Variants in STAB1 observed in about 807,000 individuals in gnomAD.
STAB1 encodes stabilin 1.
STAB1 carries 250 observed loss-of-function variants against 332.4 expected under a neutral mutation model. The observed-to-expected ratio is 0.75, with a 90% confidence interval of 0.68 to 0.84. The LOEUF is 0.84. Ranked by LOEUF, STAB1 falls within the 40% of genes least tolerant of loss-of-function variation. The probability of loss-of-function intolerance (pLI) is 0.00; values close to 1 mark genes in which losing one functional copy is unlikely to be tolerated. For missense variants in STAB1, 3,249 were observed against 3,489.7 expected (o/e 0.93, Z 1.74); for synonymous variants, 1,475 against 1,390.4 (o/e 1.06, Z -1.35).
In STAB1 at chr3:52,523,260, C is replaced by T. The variant is rs534939076; in HGVS notation, c.7059C>T (p.Leu2353=). The change falls in exon 64 of 69, where the codon CTC becomes CTT. Residue 2353 remains leucine (L), a synonymous_variant. Coordinates refer to ENST00000321725, the MANE Select transcript of STAB1 (RefSeq NM_015136.3). ...LGYANATQRG[L]DFLDFLDDEL... ...ATGCCAATGCCACCCAGCGGGGTCT[C>T]GACTTCCTGGACTTCCTGGATGATG... 22 of 1,613,336 alleles carry T rather than the reference C, an allele frequency of 1.4e-5. No homozygotes were observed. The highest frequency in any genetic ancestry group is 4.5e-5 in the East Asian group (2 of 44,888).
intron 19 of STAB1, 70 bp from the exon 20 acceptor site, chr3:52,507,861 C>T: frequency 7.2e-6 from 11 of 1,525,688 alleles, no homozygotes; most frequent in Non-Finnish European, 9.9e-6. Flanking sequence ...GTCCCTTAAC[C>T]AGGGCTGCCT....
At position 52,510,243 on chromosome 3, in the gene STAB1, C is replaced by T; in HGVS notation, c.2628+8C>T. 6.2e-7 allele frequency: 1 copy of T among 1,614,000 alleles called. No homozygotes were observed. The highest frequency in any genetic ancestry group is 1.3e-5 in the African/African-American group (1 of 75,032). On this transcript the variant is annotated splice_region_variant and intron_variant, in intron 24 of 68. Coordinates refer to ENST00000321725, the MANE Select transcript of STAB1 (RefSeq NM_015136.3). ...GGAGGCTGCTCAGAGAATGTCAGTCCCCTTGCTCCTTCCCTGAAGTTCTGA... is the reference window on the plus strand; with the variant it reads ...GGAGGCTGCTCAGAGAATGTCAGTCTCCTTGCTCCTTCCCTGAAGTTCTGA...
At chr3:52,503,306 G>T in intron 7 of STAB1, 38 bp from the exon 8 acceptor site, 1 of 1,576,404 alleles carries the variant, frequency 6.3e-7, no homozygotes, top group Non-Finnish European at 8.6e-7. Context: ...GGGCTCCTGG[G>T]TGCTTGGCTC....
At chr3:52,521,151 C>G (rs551504165) in intron 55 of STAB1, 146 bp downstream of exon 55, 1 of 1,200,352 alleles carries the variant, frequency 8.3e-7, no homozygotes, top group African/African-American at 1.5e-5. Context: ...CGGGAGTGCT[C>G]GGGAGAGGCA....
At position 52,501,320 on chromosome 3, in the gene STAB1, C is replaced by A. The variant is rs774706691; in HGVS notation, c.215+18C>A. On this transcript the variant is annotated intron_variant, in intron 2 of 68. Coordinates refer to ENST00000321725, the MANE Select transcript of STAB1 (RefSeq NM_015136.3). The stretch of plus-strand genomic sequence containing the variant: ...GACTGCCGGTGCGGGCCACCCCTGT[C>A]CTTGCCTGTGTCCAGGAGCATCCTG... 1.2e-6 allele frequency: 2 copies of A among 1,610,702 alleles called. No homozygotes were observed. The highest frequency in any genetic ancestry group is 1.7e-6 in the Non-Finnish European group (2 of 1,178,228).
rs957277050 is a variant in STAB1, at chr3:52,505,474, G to A, written c.1581+93G>A. The A allele has an allele frequency of 3.6e-6, 5 of 1,395,746 alleles. No individual in the cohort carries two copies. The African/African-American group carries it at 4.3e-5, about 12-fold the overall frequency. The allele number at this position is 1,395,746 out of a possible 1,614,324, so 86.5% of individuals were successfully genotyped here. A position where few individuals can be genotyped will look rare whatever the true frequency, so the allele number is the denominator to read the frequency against. On this transcript the variant is annotated intron_variant, in intron 14 of 68. Transcript: ENST00000321725. ...AGATTCTGCCCCACAGTGACCTGGG[G>A]TTCTGAAGTAGCATGGCCTCTGCCC... is the stretch of plus-strand genomic sequence containing the variant.
rs1316515947 is a variant in STAB1 at position 52,506,849 on chromosome 3, C to T, written c.1988C>T (p.Ala663Val). 4.3e-6 allele frequency: 7 copies of T among 1,612,526 alleles called. No individual in the cohort carries two copies. Among genetic ancestry groups the T allele is most frequent in the Admixed American group, 1.7e-5 (1 of 59,996 alleles). The part of the protein sequence containing the change: ...HCSEEQHKIV[A>V]GSCVDCQALN... ...AGCGAGGAGCAGCACAAGATTGTGG[C>T]GGTGAGCCTCGCCTGCACGGCCAGG... Residue 663 changes from alanine to valine, a missense_variant and splice_region_variant, in exon 18 of 69, where the codon GCG (alanine) becomes GTG (valine). Physicochemically the swap from Ala to Val is moderately conservative, Grantham distance 64. Coordinates refer to ENST00000321725, the MANE Select transcript of STAB1 (RefSeq NM_015136.3).
At position 52,518,593 on chromosome 3, in the gene STAB1, C is replaced by T. The variant is rs1315219046; in HGVS notation, c.4867C>T (p.Leu1623=). Residue 1623 remains leucine, a synonymous_variant, in exon 47 of 69, where the codon CTA becomes TTA. Transcript: ENST00000321725. ...PFTIFVPHAD[L]MSNLSQDELA... Reference sequence around the variant, plus strand: ...CACCATCTTCGTGCCGCACGCAGATCTAATGAGCAACCTGTCGCAGGTATG... The same window carrying T: ...CACCATCTTCGTGCCGCACGCAGATTTAATGAGCAACCTGTCGCAGGTATG... The T allele has an allele frequency of 6.2e-7, 1 of 1,605,002 alleles. No individual in the cohort carries two copies. The highest frequency in any genetic ancestry group is 1.3e-5 in the African/African-American group (1 of 74,932).
At chr3:52,498,070 A>G (rs183944960) in intron 1 of STAB1, among the ~76,000 whole-genome samples, 6 of 152,314 alleles carry the variant, frequency 3.9e-5, no homozygotes, top group African/African-American at 1.4e-4. Flanking sequence ...AGGGGGAAGC[A>G]GTTTGGGGTT....
At position 52,519,356 on chromosome 3, in the gene STAB1, GC is replaced by G. The variant is rs748877370; in HGVS notation, c.5133del (p.Glu1712ArgfsTer33). The G allele has an allele frequency of 1.2e-6, 2 of 1,612,970 alleles. No homozygotes were observed. Among genetic ancestry groups the G allele is most frequent in the Non-Finnish European group, 1.7e-6 (2 of 1,179,998 alleles). ...TGCACTTCATTGACCGTGTCCTGCT[GC>G]CCCCCGAGGCGCTGCACTGGGAGCC... is the stretch of plus-strand genomic sequence containing the variant. ...ILHFIDRVLL[P>X]PEALHWEPDD... On this transcript the variant is annotated frameshift_variant, in exon 49 of 69. Coordinates refer to ENST00000321725, the MANE Select transcript of STAB1 (RefSeq NM_015136.3). LOFTEE classifies it high-confidence loss of function.
chr3:52,505,883 G>C lies in STAB1; in HGVS notation c.1696G>C (p.Gly566Arg). Residue 566 changes from glycine to arginine, a missense_variant and splice_region_variant, in exon 16 of 69, where the codon GGT (glycine) becomes CGT (arginine). Coordinates refer to ENST00000321725, the MANE Select transcript of STAB1 (RefSeq NM_015136.3). ...DGRLIYLFTA[G>R]LSKLQELVRY... is the part of the protein sequence containing the mutation. Reference sequence around the variant, plus strand: ...CCAAACCCTCTCTCTCCCCTGCCAGGGTCTCTCTAAACTGCAGGAGTTGGT... The same window carrying C: ...CCAAACCCTCTCTCTCCCCTGCCAGCGTCTCTCTAAACTGCAGGAGTTGGT... 2 of 1,613,966 alleles carry C rather than the reference G, an allele frequency of 1.2e-6. No homozygotes were observed. Among genetic ancestry groups the C allele is most frequent in the Non-Finnish European group, 1.7e-6 (2 of 1,180,038 alleles).
In STAB1 at chr3:52,510,172, T is replaced by C. The variant is rs547350550; in HGVS notation, c.2565T>C (p.Asp855=). ...RCRCLDGFEG[D]GFSCTPSNPC... ...GCTGTCTTGATGGCTTTGAGGGTGA[T>C]GGCTTCTCCTGCACACCTAGCAACC... is the stretch of plus-strand genomic sequence containing the variant. Residue 855 remains aspartate (D), a synonymous_variant, in exon 24 of 69, where the codon GAT becomes GAC. Transcript: ENST00000321725. 4 of 1,614,000 alleles carry C rather than the reference T, an allele frequency of 2.5e-6. No individual in the cohort carries two copies. The Admixed American group carries it at 6.7e-5, about 27-fold the overall frequency.
At chr3:52,515,379 G>A in intron 36 of STAB1, 44 bp from the exon 37 acceptor site, 1 of 1,595,910 alleles carries the variant, frequency 6.3e-7, no homozygotes, top group Non-Finnish European at 8.6e-7. Context: ...CCCTGCCCCT[G>A]CCCAAGCCAC....
rs778669827 is a variant in STAB1, at chr3:52,518,557, G to T, written c.4831G>T (p.Asp1611Tyr). Residue 1611 changes from aspartate to tyrosine, a missense_variant, in exon 47 of 69, where the codon GAT (aspartate) becomes TAT (tyrosine). Transcript: ENST00000321725. Reference sequence around the variant, plus strand: ...GCAGGAATATAAGGAGCTCAAGGGCGATGGGCCTTTCACCATCTTCGTGCC... The same window carrying T: ...GCAGGAATATAAGGAGCTCAAGGGCTATGGGCCTTTCACCATCTTCGTGCC... Reference protein sequence around the residue: ...RLLEYKELKGDGPFTIFVPHA... With the variant: ...RLLEYKELKGYGPFTIFVPHA... 1.9e-6 allele frequency: 3 copies of T among 1,595,296 alleles called. No individual in the cohort carries two copies. Among genetic ancestry groups the T allele is most frequent in the Non-Finnish European group, 1.7e-6 (2 of 1,170,852 alleles).
Position 52,504,483 on chromosome 3 carries a change from T to TTTC in STAB1, c.1173_1174insTTC (p.Leu391_Thr392insPhe). The stretch of plus-strand genomic sequence containing the variant: ...CAGACCAGGGCTGCCGGGAAATCCT[T>TTTC]ACCACAGCGGGCCCTTTCACCGTGC... On this transcript the variant is annotated inframe_insertion, in exon 11 of 69. Coordinates refer to ENST00000321725, the MANE Select transcript of STAB1 (RefSeq NM_015136.3). 3 of 1,614,034 alleles carry TTTC rather than the reference T, an allele frequency of 1.9e-6. No homozygotes were observed. The highest frequency in any genetic ancestry group is 2.5e-6 in the Non-Finnish European group (3 of 1,180,000).
At chr3:52,511,525 GAGA>G (rs1709296792) in intron 25 of STAB1, 122 bp from the exon 26 acceptor site, 3 of 742,064 alleles carry the variant, frequency 4.0e-6, no homozygotes, top group Non-Finnish European at 6.5e-6. Context: ...GGAGGGCTGG[GAGA>G]AGTTCCTCTG....
chr3:52,506,723 C>A lies in STAB1; in HGVS notation c.1862C>A (p.Pro621Gln). The A allele has an allele frequency of 4.3e-6, 7 of 1,612,010 alleles. No individual in the cohort carries two copies. Among genetic ancestry groups the A allele is most frequent in the Non-Finnish European group, 5.9e-6 (7 of 1,179,344 alleles). ...ATCCTGCTGGGACCCGAGGGGGTCC[C>A]GCTGCAGAGGGTAGACGTGATGGCC... is the stretch of plus-strand genomic sequence containing the variant. ...GRILLGPEGV[P>Q]LQRVDVMAAN... Residue 621 changes from proline to glutamine, a missense_variant, in exon 18 of 69, where the codon CCG becomes CAG. Physicochemically the swap from Pro to Gln is moderately conservative, Grantham distance 76 (BLOSUM62 -1). Transcript: ENST00000321725.
chr3:52,495,599 A>C, intron 1 of STAB1, 108 bp downstream of exon 1: 2 of 1,032,206 alleles, frequency 1.9e-6, no homozygotes, highest in Non-Finnish European at 2.5e-6. Flanking sequence ...GAGAAACCGC[A>C]GCTGGCGCCT....
intron 9 of STAB1, 51 bp from the exon 10 acceptor site, chr3:52,503,977 G>A (rs750689276): frequency 5.0e-6 from 8 of 1,608,594 alleles, no homozygotes; most frequent in African/African-American, 1.3e-5. Context: ...TGGGGGGTGC[G>A]GTGGGGGGGG....
Sources: allele counts gnomAD v4.1 joint callset (sites outside exome capture counted in the v4.1 genomes callset), GRCh38; gene constraint gnomAD v4.1.1; transcripts MANE v1.5; gene names NCBI Gene and HGNC (gene_info 2026-07-23, HGNC 2026-07-21).